The following PKP4 variants were observed in gnomAD, a reference collection of about 807,000 sequenced individuals.
PKP4 encodes plakophilin-4.
PKP4 carries 90 observed loss-of-function variants against 145.1 expected under a neutral mutation model. The ratio of observed to expected loss-of-function variants is 0.62; its 90% confidence interval spans 0.52 to 0.74. The LOEUF (loss-of-function observed/expected upper bound fraction) is 0.74, where lower values mean the gene tolerates loss of function less well. Among genes scored for constraint, PKP4 ranks in the 30% least tolerant of loss-of-function variants. The pLI, the probability that PKP4 is intolerant of heterozygous loss-of-function variation, is 0.00. For synonymous variants in PKP4, 563 were observed against 577.2 expected, an observed-to-expected ratio of 0.98 and a Z score of 0.35; for missense variants, 1,340 against 1,482.7, an observed-to-expected ratio of 0.90 and a Z score of 1.58.
chr2:158,501,236 A>G (rs548345789), intron 1 of PKP4, among the ~76,000 whole-genome samples: 5 of 152,216 alleles, frequency 3.3e-5, no homozygotes, highest in Non-Finnish European at 5.9e-5. Flanking sequence ...CAAGAAGACT[A>G]ATATTACCAA....
At chr2:158,640,591 G>A in intron 9 of PKP4, 36 bp from the exon 10 acceptor site, 1 of 1,607,160 alleles carries the variant, frequency 6.2e-7, no homozygotes, top group Non-Finnish European at 8.5e-7. Context: ...TTACAACATG[G>A]GCCTTCCTTT....
At chr2:158,651,308 C>T (rs2055341469) in intron 11 of PKP4, among the ~76,000 whole-genome samples, 1 of 152,140 alleles carries the variant, frequency 6.6e-6, no homozygotes, top group South Asian at 2.1e-4. Flanking sequence ...TCCTGGCTTA[C>T]CTGTGACACC....
At chr2:158,508,962 T>G (rs763364765) in intron 1 of PKP4, among the ~76,000 whole-genome samples, 1 of 152,206 alleles carries the variant, frequency 6.6e-6, no homozygotes, top group Non-Finnish European at 1.5e-5. Flanking sequence ...TATTGGTGAA[T>G]GTACCATCTT....
chr2:158,517,597 A>G (rs1458146786), intron 1 of PKP4, among the ~76,000 whole-genome samples: 1 of 152,206 alleles, frequency 6.6e-6, no homozygotes, highest in Non-Finnish European at 1.5e-5. Flanking sequence ...CATTAAATAA[A>G]TAATATTGTT....
chr2:158,649,567 G>T (rs3771663), intron 11 of PKP4, among the ~76,000 whole-genome samples: 6 of 152,096 alleles, frequency 3.9e-5, no homozygotes, highest in Non-Finnish European at 8.8e-5. Context: ...TTTAGGTCTT[G>T]CGTCTATTTC....
At chr2:158,512,151 A>G (rs956133062) in intron 1 of PKP4, among the ~76,000 whole-genome samples, 5 of 152,228 alleles carry the variant, frequency 3.3e-5, no homozygotes, top group Non-Finnish European at 7.3e-5. Flanking sequence ...TTTAAAATAT[A>G]CAAAATTGGA....
chr2:158,640,374 A>G (rs1032316212), intron 9 of PKP4, among the ~76,000 whole-genome samples: 1 of 152,194 alleles, frequency 6.6e-6, no homozygotes, highest in African/African-American at 2.4e-5. Context: ...AGTTACTTAT[A>G]TTAAGAATTT....
intron 3 of PKP4, among the ~76,000 whole-genome samples, chr2:158,596,863 A>G (rs2049799298): frequency 6.6e-6 from 1 of 152,184 alleles, no homozygotes; most frequent in Admixed American, 6.5e-5. Context: ...GTGGAAGTCA[A>G]GGTGCAGTCT....
At chr2:158,641,713 C>T (rs2054299470) in intron 10 of PKP4, among the ~76,000 whole-genome samples, 2 of 152,126 alleles carry the variant, frequency 1.3e-5, no homozygotes, top group African/African-American at 4.8e-5. Context: ...AAATAATGTA[C>T]TAATGAATTG....
At chr2:158,552,458 G>T (rs1169328658) in intron 2 of PKP4, among the ~76,000 whole-genome samples, 1 of 152,134 alleles carries the variant, frequency 6.6e-6, no homozygotes, top group Non-Finnish European at 1.5e-5. Flanking sequence ...GAATTGCTGT[G>T]GAATTGGATA....
At chr2:158,672,394 G>T (rs2057640517) in intron 17 of PKP4, among the ~76,000 whole-genome samples, 1 of 152,150 alleles carries the variant, frequency 6.6e-6, no homozygotes, top group Admixed American at 6.5e-5. Flanking sequence ...TTTTTGTCAA[G>T]GCATATCCTG....
chr2:158,506,229 A>G (rs1011329686), intron 1 of PKP4, among the ~76,000 whole-genome samples: 10 of 152,160 alleles, frequency 6.6e-5, no homozygotes, highest in South Asian at 2.1e-4. Context: ...GCAGTCCTTG[A>G]TGTTAAGTGG....
chr2:158,514,982 A>G (rs771018291), intron 1 of PKP4, among the ~76,000 whole-genome samples: 2 of 152,236 alleles, frequency 1.3e-5, no homozygotes, highest in Non-Finnish European at 2.9e-5. Flanking sequence ...CATTGCTTAA[A>G]TCAGCATTAT....
At chr2:158,555,192 T>G (rs1012379708) in intron 2 of PKP4, among the ~76,000 whole-genome samples, 1 of 152,224 alleles carries the variant, frequency 6.6e-6, no homozygotes, top group African/African-American at 2.4e-5. Context: ...ACCAGTCTTA[T>G]GTAAATTATG....
chr2:158,677,568 C>CA (rs2058115778), intron 20 of PKP4, among the ~76,000 whole-genome samples: 1 of 152,160 alleles, frequency 6.6e-6, no homozygotes, highest in Non-Finnish European at 1.5e-5. Context: ...AGCTACCCCA[C>CA]AAAAAGTACT....
chr2:158,508,902 G>A (rs1219103241), intron 1 of PKP4, among the ~76,000 whole-genome samples: 1 of 151,962 alleles, frequency 6.6e-6, no homozygotes, highest in African/African-American at 2.4e-5. Context: ...TGCACTGCTG[G>A]GTTTCTAAAT....
chr2:158,569,013 G>A (rs532455667), intron 2 of PKP4, among the ~76,000 whole-genome samples: 7 of 152,254 alleles, frequency 4.6e-5, no homozygotes, highest in South Asian at 2.1e-4. Flanking sequence ...TGTAGGAAAA[G>A]CATGAGACTC....
intron 17 of PKP4, among the ~76,000 whole-genome samples, chr2:158,672,758 AC>A (rs1253143165): frequency 6.6e-6 from 1 of 152,194 alleles, no homozygotes; most frequent in Non-Finnish European, 1.5e-5. Context: ...ATCATTAGCA[AC>A]CCATGTTCTG....
In PKP4 at chr2:158,620,288, C is replaced by T. The variant is rs748169020; in HGVS notation, c.281-702C>T. 2.4e-4 allele frequency among the ~76,000 whole-genome samples: 37 copies of T among 151,808 alleles called. 1 individual carries two copies. Among genetic ancestry groups the T allele is most frequent in the African/African-American group, 6.3e-4 (26 of 41,350 alleles). ...GCATGATCTACACCACCTAAGTTTA[C>T]GGCATAAAAAACAGAAGTTTGAATG... On this transcript the variant is annotated intron_variant, in intron 4 of 21. Transcript: ENST00000389759.
Sources: allele counts gnomAD v4.1 joint callset (sites outside exome capture counted in the v4.1 genomes callset), GRCh38; gene constraint gnomAD v4.1.1; transcripts MANE v1.5; gene names NCBI Gene and HGNC (gene_info 2026-07-23, HGNC 2026-07-21).